TACC2: variants seen among roughly 807,000 people sequenced by gnomAD.
TACC2 encodes transforming acidic coiled-coil containing protein 2.
In TACC2, 137 loss-of-function variants were observed where a neutral mutation model predicts 227.3. The ratio of observed to expected loss-of-function variants is 0.60; its 90% CI spans 0.52 to 0.69. TACC2 has a LOEUF of 0.69. Ranked by LOEUF, TACC2 falls within the 30% of genes least tolerant of loss-of-function variation. TACC2 has a pLI of 0.00. For synonymous variants in TACC2, 1,523 were observed against 1,487.5 expected (o/e 1.02, Z -0.55); for missense variants, 3,470 against 3,694.4 (o/e 0.94, Z 1.57).
intron 5 of TACC2, among the ~76,000 whole-genome samples, chr10:122,089,733 G>T (rs1252799356): frequency 1.3e-5 from 2 of 151,740 alleles, no homozygotes; most frequent in Non-Finnish European, 2.9e-5. Flanking sequence ...ACAGCTGCAG[G>T]CATTTTATAA....
chr10:121,995,165 C>T (rs1230959842), intron 1 of TACC2, among the ~76,000 whole-genome samples: 3 of 152,234 alleles, frequency 2.0e-5, no homozygotes, highest in East Asian at 1.9e-4. Context: ...CATGTTTGCA[C>T]AGGTATTTCT....
At chr10:122,252,046 T>C (rs2096264099) in intron 22 of TACC2, among the ~76,000 whole-genome samples, 1 of 152,230 alleles carries the variant, frequency 6.6e-6, no homozygotes. Flanking sequence ...TTTTGCTCCA[T>C]GAGCTGAGCT....
chr10:122,042,761 A>T (rs1173093105), intron 2 of TACC2, among the ~76,000 whole-genome samples: 1 of 152,186 alleles, frequency 6.6e-6, no homozygotes, highest in Non-Finnish European at 1.5e-5. Flanking sequence ...AGAGACTTAC[A>T]GCTAAATAAG....
At position 122,136,847 on chromosome 10, in the gene TACC2, C is replaced by A. The variant is rs572412775; in HGVS notation, c.5699+4113C>A. Among the ~76,000 whole-genome samples, 68 of 152,170 alleles carry A rather than the reference C, an allele frequency of 4.5e-4. 2 individuals carry two copies. In the South Asian group the frequency reaches 0.014, roughly 32 times the overall value. On this transcript the variant is annotated intron_variant, in intron 6 of 22. Coordinates refer to ENST00000369005, the MANE Select transcript of TACC2 (RefSeq NM_206862.4). Reference sequence around the variant, plus strand: ...GGGATTACAGGCGTGAGCCACTGAACCCAGCAGAATTTTTTTTAATTAATA... The same window carrying A: ...GGGATTACAGGCGTGAGCCACTGAAACCAGCAGAATTTTTTTTAATTAATA...
chr10:122,047,318 A>C (rs1346862124), intron 2 of TACC2, among the ~76,000 whole-genome samples: 1 of 144,234 alleles, frequency 6.9e-6, no homozygotes, highest in African/African-American at 2.5e-5. Flanking sequence ...AAAAAAAAGA[A>C]TCTTTCTTTG....
chr10:122,197,724 G>A (rs2140653434), intron 8 of TACC2, among the ~76,000 whole-genome samples: 1 of 152,364 alleles, frequency 6.6e-6, no homozygotes, highest in Admixed American at 6.5e-5. Context: ...AAGGCTAGCT[G>A]TGTGAGGATT....
chr10:122,028,072 CTT>C (rs1309909664), intron 2 of TACC2, among the ~76,000 whole-genome samples: 1 of 117,232 alleles, frequency 8.5e-6, no homozygotes, highest in Non-Finnish European at 1.7e-5. Flanking sequence ...TTTCTTTTTT[CTT>C]TCTTTCTTTC....
At chr10:122,171,347 G>C (rs190046732) in intron 7 of TACC2, among the ~76,000 whole-genome samples, 14 of 152,238 alleles carry the variant, frequency 9.2e-5, no homozygotes, top group Non-Finnish European at 5.9e-5. Context: ...CCGAGGTAGG[G>C]GGGTGGAGGT....
At chr10:122,092,970 A>C (rs2080988749) in intron 5 of TACC2, among the ~76,000 whole-genome samples, 1 of 152,216 alleles carries the variant, frequency 6.6e-6, no homozygotes, top group African/African-American at 2.4e-5. Flanking sequence ...TGGAAGGTCT[A>C]GAATTTGGCA....
chr10:122,141,531 G>A lies in TACC2; in HGVS notation c.5700-2041G>A, dbSNP rs1385058488. ...TGTTAAGGGCAGGCGGGGGAGCTTGGTGAGTGAGCCTTGGTTGTGCTGCCC... is the reference window on the plus strand; with the variant it reads ...TGTTAAGGGCAGGCGGGGGAGCTTGATGAGTGAGCCTTGGTTGTGCTGCCC... On this transcript the variant is annotated intron_variant, in intron 6 of 22. Transcript: ENST00000369005. The surrounding 1 kb of genome is among the most constrained non-coding windows in gnomAD (Gnocchi z 4.3). Among the ~76,000 whole-genome samples, 1 of 152,102 alleles carries A rather than the reference G, an allele frequency of 6.6e-6. No individual in the cohort carries two copies. Among genetic ancestry groups the A allele is most frequent in the Admixed American group, 6.5e-5 (1 of 15,272 alleles).
chr10:122,038,949 A>G (rs1355649790), intron 2 of TACC2, among the ~76,000 whole-genome samples: 1 of 152,134 alleles, frequency 6.6e-6, no homozygotes, highest in Non-Finnish European at 1.5e-5. Flanking sequence ...GGGGGACACA[A>G]GGTTCCTGAC....
At position 122,050,667 on chromosome 10, in the gene TACC2, C is replaced by T. The variant is rs571497210; in HGVS notation, c.146+117C>T. 69 of 738,380 alleles carry T rather than the reference C, an allele frequency of 9.3e-5. No homozygotes were observed. Among genetic ancestry groups the T allele is most frequent in the Middle Eastern group, 7.8e-4 (2 of 2,578 alleles). 45.7% of individuals were successfully genotyped at this position (738,380 alleles called of 1,614,324 possible). Reference sequence around the variant, plus strand: ...AACTGGACCCTTAGACACATGGTATCGTCCTCAGTGGTGAGATGTTCCAAG... The same window carrying T: ...AACTGGACCCTTAGACACATGGTATTGTCCTCAGTGGTGAGATGTTCCAAG... On this transcript the variant is annotated intron_variant, in intron 3 of 22. Transcript: ENST00000369005. The surrounding 1 kb of genome is among the most constrained non-coding windows in gnomAD (Gnocchi z 4.6).
chr10:122,183,763 G>A (rs1008501524), intron 7 of TACC2, among the ~76,000 whole-genome samples: 4 of 152,152 alleles, frequency 2.6e-5, no homozygotes, highest in African/African-American at 9.7e-5. Context: ...TCCGTGAGTG[G>A]GGAGGGCAGT....
intron 6 of TACC2, among the ~76,000 whole-genome samples, chr10:122,142,694 G>A (rs986904391): frequency 1.3e-5 from 2 of 152,234 alleles, no homozygotes; most frequent in Non-Finnish European, 1.5e-5. Context: ...TACCACCTCA[G>A]GCTGGGTTTC....
chr10:122,049,193 G>A (rs922394920), intron 2 of TACC2, among the ~76,000 whole-genome samples: 6 of 152,172 alleles, frequency 3.9e-5, no homozygotes, highest in South Asian at 2.1e-4. Context: ...CAATGCATGC[G>A]GCCTCATCAT....
chr10:122,195,598 A>G (rs1191614955), intron 8 of TACC2, among the ~76,000 whole-genome samples: 5 of 152,156 alleles, frequency 3.3e-5, no homozygotes, highest in Non-Finnish European at 7.3e-5. Flanking sequence ...TTCACAGCAG[A>G]TCATGGTGGT....
intron 7 of TACC2, among the ~76,000 whole-genome samples, chr10:122,178,747 G>A (rs1251346756): frequency 6.6e-6 from 1 of 152,232 alleles, no homozygotes; most frequent in African/African-American, 2.4e-5. Context: ...CAGCCATGGG[G>A]TTGTGCGCCT....
intron 11 of TACC2, among the ~76,000 whole-genome samples, chr10:122,218,599 C>G (rs2095459950): frequency 6.6e-6 from 1 of 152,140 alleles, no homozygotes; most frequent in South Asian, 2.1e-4. Flanking sequence ...CTAAATTTGA[C>G]AATGAAAAGA....
chr10:122,152,682 C>T (rs1309243928), intron 7 of TACC2, among the ~76,000 whole-genome samples: 2 of 152,244 alleles, frequency 1.3e-5, no homozygotes, highest in Non-Finnish European at 2.9e-5. Context: ...CCTCTGCCAA[C>T]ACAGCCTGAG....
Sources: gnomAD v4.1 joint callset for allele counts (sites outside exome capture counted in the v4.1 genomes callset) on GRCh38, gnomAD v4.1.1 for gene constraint, Gnocchi (gnomAD v3.1) non-coding constraint, MANE v1.5 for transcripts, NCBI Gene and HGNC (gene_info 2026-07-23, HGNC 2026-07-21) for gene names.